MTMR6: variants seen among roughly 807,000 people sequenced by gnomAD.
MTMR6 encodes the protein phosphatidylinositol-3,5-bisphosphate 3-phosphatase MTMR6.
A neutral mutation model predicts 80.1 loss-of-function variants in MTMR6; 47 were observed. The observed-to-expected ratio is 0.59, with a 90% CI of 0.46 to 0.75. The LOEUF is 0.75. MTMR6 is among the 30% of genes least tolerant of loss of function. The probability of loss-of-function intolerance (pLI) is 0.00; values close to 1 mark genes in which losing one functional copy is unlikely to be tolerated. For missense variants in MTMR6, 629 were observed against 730.9 expected (o/e 0.86, Z 1.61); for synonymous variants, 254 against 253.0 (o/e 1.00, Z -0.04).
At chr13:25,249,547 A>G (rs1957043275) in intron 13 of MTMR6, 55 bp from the exon 14 acceptor site, 1 of 1,540,830 alleles carries the variant, frequency 6.5e-7, no homozygotes, top group South Asian at 1.2e-5. Flanking sequence ...ACAATATGTT[A>G]CATGAAAAAA....
intron 1 of MTMR6, among the ~76,000 whole-genome samples, chr13:25,282,611 CTTTT>C (rs778665309): frequency 1.5e-5 from 2 of 129,118 alleles, no homozygotes; most frequent in Admixed American, 7.5e-5. Context: ...TTTCTTTTTT[CTTTT>C]TTTTTTTTTG....
In MTMR6 at chr13:25,250,904, A is replaced by G. The variant is rs187943927; in HGVS notation, c.1605+745T>C. 5.7e-4 allele frequency among the ~76,000 whole-genome samples: 87 copies of G among 152,366 alleles called. 1 individual carries two copies. In the East Asian group the frequency reaches 0.013, roughly 22 times the overall value. Reference sequence around the variant, plus strand: ...AGTCTTTGGTATTTTTTCAATACACAGTAAAAATATTTTAAGTCAAGAAAA... The same window carrying G: ...AGTCTTTGGTATTTTTTCAATACACGGTAAAAATATTTTAAGTCAAGAAAA... On this transcript the variant is annotated intron_variant, in intron 13 of 13. Coordinates refer to ENST00000381801, the MANE Select transcript of MTMR6 (RefSeq NM_004685.5).
Position 25,247,196 on chromosome 13 carries a change from T to C in MTMR6, c.*2036A>G, listed in dbSNP as rs1244542127. ...ATGTTAATGTAATGGGCAAGTCTAC[T>C]TGCCTAGGTGAGAAGAAAAAAAAAA... On this transcript the variant is annotated 3_prime_UTR_variant, in exon 14 of 14. Coordinates refer to ENST00000381801, the MANE Select transcript of MTMR6 (RefSeq NM_004685.5). 1.3e-5 allele frequency: 2 copies of C among 152,348 alleles called. No individual in the cohort carries two copies. The highest frequency in any genetic ancestry group is 4.8e-5 in the African/African-American group (2 of 41,358). 9.4% of individuals were successfully genotyped at this position (152,348 alleles called of 1,614,324 possible).
At chr13:25,287,058 TA>T (rs146458541) in intron 1 of MTMR6, among the ~76,000 whole-genome samples, 165 bp downstream of exon 1, 5,389 of 152,150 alleles carry the variant, frequency 0.035, 201 homozygotes, top group South Asian at 0.13. Flanking sequence ...TGGCCCAAGC[TA>T]ACCCTGCCCT....
In MTMR6 at chr13:25,257,836, G is replaced by A. The variant is rs1957248423; in HGVS notation, c.869C>T (p.Thr290Ile). The change falls in exon 8 of 14, where the codon ACT becomes ATT. Residue 290 changes from threonine (T) to isoleucine (I), a missense_variant. Transcript: ENST00000381801. Reference protein sequence around the residue: ...SLQKLLEVNGTKGLSVNDFYS... With the variant: ...SLQKLLEVNGIKGLSVNDFYS... Reference sequence around the variant, plus strand: ...GAAATCATTGACAGAAAGCCCTTTAGTGCCATTGACTGAAAGAGGTATAAA... The same window carrying A: ...GAAATCATTGACAGAAAGCCCTTTAATGCCATTGACTGAAAGAGGTATAAA... 6 of 1,611,998 alleles carry A rather than the reference G, an allele frequency of 3.7e-6. No individual in the cohort carries two copies. Among genetic ancestry groups the A allele is most frequent in the Non-Finnish European group, 5.1e-6 (6 of 1,178,858 alleles).
intron 5 of MTMR6, among the ~76,000 whole-genome samples, chr13:25,263,210 A>G (rs771693159): frequency 2.6e-5 from 4 of 152,246 alleles, no homozygotes; most frequent in Admixed American, 6.5e-5. Context: ...TTAAGTCAGT[A>G]AGAAGCAAGG....
At chr13:25,266,385 T>TGAAGATTGTAAAGAGAA in intron 3 of MTMR6, 99 bp from the exon 4 acceptor site, 1 of 1,059,466 alleles carries the variant, frequency 9.4e-7, no homozygotes, top group Non-Finnish European at 1.3e-6. Flanking sequence ...TTTTTCTCTT[T>TGAAGATTGTAAAGAGAA]ACAATCTTCA....
In MTMR6 at chr13:25,249,273, C is replaced by G. The variant is rs1211735436; in HGVS notation, c.1825G>C (p.Val609Leu). The G allele has an allele frequency of 1.2e-6, 2 of 1,614,102 alleles. No homozygotes were observed. Among genetic ancestry groups the G allele is most frequent in the Non-Finnish European group, 8.5e-7 (1 of 1,179,942 alleles). ...AEEFSKSEPA[V>L]VSLEYGVARM... ...GCCACACCATACTCTAAGCTGACCA[C>G]AGCAGGTTCTGATTTAGAAAACTCT... Residue 609 changes from valine to leucine, a missense_variant, in exon 14 of 14, where the codon GTG (valine) becomes CTG (leucine). Val to Leu is a conservative substitution (Grantham distance 32, BLOSUM62 1). Transcript: ENST00000381801.
Position 25,266,264 on chromosome 13 carries a change from T to C in MTMR6, c.327A>G (p.Ala109=). Residue 109 remains alanine, a synonymous_variant, in exon 4 of 14, where the codon GCA becomes GCG. Transcript: ENST00000381801. The stretch of plus-strand genomic sequence containing the variant: ...CATTTTGTTTGGGATTATAAGAAAA[T>C]GCATAGAGATCTTCATATTTTGCTA... The part of the protein sequence containing the change: ...SKQAKYEDLY[A]FSYNPKQNDS... 1 of 1,612,450 alleles carries C rather than the reference T, an allele frequency of 6.2e-7. No homozygotes were observed. The highest frequency in any genetic ancestry group is 8.5e-7 in the Non-Finnish European group (1 of 1,178,562).
At chr13:25,273,262 A>T (rs1957623582) in intron 2 of MTMR6, among the ~76,000 whole-genome samples, 1 of 152,176 alleles carries the variant, frequency 6.6e-6, no homozygotes, top group Admixed American at 6.5e-5. Context: ...GCACTTATTC[A>T]AGACCCAATA....
chr13:25,258,894 G>C (rs760698330), intron 6 of MTMR6, among the ~76,000 whole-genome samples: 13 of 152,102 alleles, frequency 8.5e-5, no homozygotes, highest in Non-Finnish European at 1.8e-4. Flanking sequence ...AAAGTAATAC[G>C]ATTGCTATAT....
chr13:25,246,379 A>G lies in MTMR6; in HGVS notation c.*2853T>C, dbSNP rs1035572516. Reference sequence around the variant, plus strand: ...TTCCTAAAGCTTATAGTTTACATTGATATCTAGACATATATCTTAAACAGT... The same window carrying G: ...TTCCTAAAGCTTATAGTTTACATTGGTATCTAGACATATATCTTAAACAGT... On this transcript the variant is annotated 3_prime_UTR_variant, in exon 14 of 14. Coordinates refer to ENST00000381801, the MANE Select transcript of MTMR6 (RefSeq NM_004685.5). 5 of 150,754 alleles carry G rather than the reference A, an allele frequency of 3.3e-5. No individual in the cohort carries two copies. The highest frequency in any genetic ancestry group is 7.4e-5 in the Non-Finnish European group (5 of 67,504). The allele number at this position is 150,754 out of a possible 1,614,324, so 9.3% of individuals were successfully genotyped here.
At position 25,258,639 on chromosome 13, in the gene MTMR6, G is replaced by A; in HGVS notation, c.780C>T (p.Asn260=). Reference sequence around the variant, plus strand: ...CAAACTGAAATCTAATATTGGAATAGTTGTCTTCATTTTCATAACCTTTTC... The same window carrying A: ...CAAACTGAAATCTAATATTGGAATAATTGTCTTCATTTTCATAACCTTTTC... ...AAGKGYENED[N]YSNIRFQFVG... is the part of the protein sequence containing the mutation. Residue 260 remains asparagine (N), a synonymous_variant, in exon 7 of 14, where the codon AAC becomes AAT. Coordinates refer to ENST00000381801, the MANE Select transcript of MTMR6 (RefSeq NM_004685.5). The A allele has an allele frequency of 6.3e-7, 1 of 1,597,356 alleles. No individual in the cohort carries two copies. The highest frequency in any genetic ancestry group is 8.5e-7 in the Non-Finnish European group (1 of 1,175,348).
chr13:25,258,570 T>C lies in MTMR6; in HGVS notation c.849A>G (p.Lys283=). ...NIHVMRSSLQ[K]LLEVNGTKGL... Reference sequence around the variant, plus strand: ...TAAGCAATAATATACCTTCCAATAATTTCTGAAGGCTGGACCTCATGACAT... The same window carrying C: ...TAAGCAATAATATACCTTCCAATAACTTCTGAAGGCTGGACCTCATGACAT... The change falls in exon 7 of 14, where the codon AAA becomes AAG. Residue 283 remains lysine, a synonymous_variant. Transcript: ENST00000381801. The C allele has an allele frequency of 6.3e-7, 1 of 1,589,774 alleles. No individual in the cohort carries two copies. Among genetic ancestry groups the C allele is most frequent in the Non-Finnish European group, 8.5e-7 (1 of 1,173,310 alleles).
At position 25,251,810 on chromosome 13, in the gene MTMR6, T is replaced by C. The variant is rs769331411; in HGVS notation, c.1479-35A>G. The C allele has an allele frequency of 1.5e-5, 24 of 1,602,056 alleles. No individual in the cohort carries two copies. Among genetic ancestry groups the C allele is most frequent in the Non-Finnish European group, 2.0e-5 (23 of 1,176,976 alleles). ...AAAAAAAAGTTTCAATAAATTGTGT[T>C]TGAGAAAATTCAAGTATAAATACTC... On this transcript the variant is annotated intron_variant, in intron 12 of 13. Coordinates refer to ENST00000381801, the MANE Select transcript of MTMR6 (RefSeq NM_004685.5). This position sits in a 1 kb window ranked among gnomAD's most constrained non-coding sequence, Gnocchi z 4.1.
rs1233900441 is a variant in MTMR6, at chr13:25,267,885, G to A, written c.198C>T (p.Cys66=). Residue 66 remains cysteine (C), a synonymous_variant, in exon 3 of 14, where the codon TGC becomes TGT. Transcript: ENST00000381801. ...VEKLALTTSG[C]PLVIQCKNFR... ...AGTTCTTGCACTGTATCACAAGGGG[G>A]CATCCAGAAGTAGTCAAAGCAAGTT... 1 of 1,613,128 alleles carries A rather than the reference G, an allele frequency of 6.2e-7. No individual in the cohort carries two copies. Among genetic ancestry groups the A allele is most frequent in the Non-Finnish European group, 8.5e-7 (1 of 1,179,514 alleles).
rs1957150757 is a variant in MTMR6, at chr13:25,254,420, CT to C, written c.1109del (p.Lys370ArgfsTer38). The C allele has an allele frequency of 1.3e-6, 2 of 1,563,946 alleles. No homozygotes were observed. Among genetic ancestry groups the C allele is most frequent in the Non-Finnish European group, 1.8e-6 (2 of 1,138,586 alleles). ...TIKGFMVLIE[K>X]DWISFGHKFS... Reference sequence around the variant, plus strand: ...ATTTATGTCCAAAAGAGATCCAATCCTTTTCTATTAAAACCTTAATGAGAAA... The same window carrying C: ...ATTTATGTCCAAAAGAGATCCAATCCTTTCTATTAAAACCTTAATGAGAAA... On this transcript the variant is annotated frameshift_variant, in exon 10 of 14. Transcript: ENST00000381801. LOFTEE classifies it high-confidence loss of function.
Position 25,267,761 on chromosome 13 carries a change from G to A in MTMR6, c.304+18C>T. ...ATCTCAAATTGAGCATGTAAGCTTT[G>A]GTCTCTAAGAACAATACCTTGTTTT... On this transcript the variant is annotated intron_variant, in intron 3 of 13. Transcript: ENST00000381801. 1 of 1,600,998 alleles carries A rather than the reference G, an allele frequency of 6.2e-7. No individual in the cohort carries two copies. The highest frequency in any genetic ancestry group is 8.5e-7 in the Non-Finnish European group (1 of 1,172,438).
At position 25,282,001 on chromosome 13, in the gene MTMR6, A is replaced by G. The variant is rs1412489500; in HGVS notation, c.24+5223T>C. On this transcript the variant is annotated intron_variant, in intron 1 of 13. Transcript: ENST00000381801. ...CACTCAAAAAAAGCAAAGATTTTAC[A>G]GTGGCCTTCAAGACTACAGTAACTT... Among the ~76,000 whole-genome samples the G allele has an allele frequency of 2.6e-5, 4 of 152,308 alleles. No homozygotes were observed. The East Asian group carries it at 7.7e-4, about 29-fold the overall frequency.
Sources: gnomAD v4.1 joint callset for allele counts (sites outside exome capture counted in the v4.1 genomes callset) on GRCh38, gnomAD v4.1.1 for gene constraint, Gnocchi (gnomAD v3.1) non-coding constraint, MANE v1.5 for transcripts, NCBI Gene and HGNC (gene_info 2026-07-23, HGNC 2026-07-21) for gene names.